The following ARRB1 variants were observed in gnomAD, a reference collection of about 807,000 sequenced individuals.
ARRB1 encodes the protein beta-arrestin-1.
ARRB1 carries 21 observed loss-of-function variants against 56.8 expected under a neutral mutation model. The observed-to-expected ratio is 0.37, with a 90% CI of 0.26 to 0.53. The LOEUF (loss-of-function observed/expected upper bound fraction) is 0.53, where lower values mean the gene tolerates loss of function less well. Ranked by LOEUF, ARRB1 falls within the 20% of genes least tolerant of loss-of-function variation. The pLI is 0.88. For missense variants in ARRB1, 424 were observed against 553.7 expected (o/e 0.77, Z 2.35); for synonymous variants, 210 against 218.6 (o/e 0.96, Z 0.35).
chr11:75,334,605 T>C (rs1459346540), intron 1 of ARRB1, among the ~76,000 whole-genome samples: 4 of 152,222 alleles, frequency 2.6e-5, no homozygotes, highest in Non-Finnish European at 2.9e-5. Context: ...GTTTCACCTA[T>C]GGTTCATTAT....
chr11:75,270,433 G>A (rs1391840175), intron 13 of ARRB1, among the ~76,000 whole-genome samples: 1 of 152,206 alleles, frequency 6.6e-6, no homozygotes, highest in East Asian at 1.9e-4. Flanking sequence ...TTTAAGACCA[G>A]CCTGGCCAAG....
In ARRB1 at chr11:75,265,015, A is replaced by G. The variant is rs1056020333; in HGVS notation, c.*1148T>C. On this transcript the variant is annotated 3_prime_UTR_variant, in exon 16 of 16. Coordinates refer to ENST00000420843, the MANE Select transcript of ARRB1 (RefSeq NM_004041.5). ...CAAGAAAAGAAGGGGCTTATTTGCT[A>G]CCCAGCAGCCTCCTTCCCTTCGGGT... 6.6e-5 allele frequency: 10 copies of G among 152,164 alleles called. No individual in the cohort carries two copies. The highest frequency in any genetic ancestry group is 1.2e-4 in the Non-Finnish European group (8 of 68,042). The allele number at this position is 152,164 out of a possible 1,614,324, so 9.4% of individuals were successfully genotyped here.
intron 1 of ARRB1, among the ~76,000 whole-genome samples, chr11:75,310,919 C>T (rs913023503): frequency 6.6e-6 from 1 of 152,204 alleles, no homozygotes; most frequent in African/African-American, 2.4e-5. Flanking sequence ...TCTGTCCCAC[C>T]ACAACCACAG....
At chr11:75,273,370 G>A (rs957204841) in intron 11 of ARRB1, among the ~76,000 whole-genome samples, 2 of 150,166 alleles carry the variant, frequency 1.3e-5, no homozygotes, top group African/African-American at 2.5e-5. Flanking sequence ...TGGGGTGGGG[G>A]CCATCAGAGA....
At chr11:75,287,613 T>C (rs1347961751) in intron 2 of ARRB1, among the ~76,000 whole-genome samples, 1 of 152,230 alleles carries the variant, frequency 6.6e-6, no homozygotes, top group Non-Finnish European at 1.5e-5. Context: ...TTATTGTTCC[T>C]GTTTTACAGA....
At chr11:75,341,866 C>T (rs970616646) in intron 1 of ARRB1, among the ~76,000 whole-genome samples, 2 of 152,224 alleles carry the variant, frequency 1.3e-5, no homozygotes, top group Non-Finnish European at 2.9e-5. Flanking sequence ...CTTCCCTTCC[C>T]ACCCAGTCTA....
intron 7 of ARRB1, among the ~76,000 whole-genome samples, chr11:75,279,092 C>T (rs1299718315): frequency 1.3e-5 from 2 of 152,192 alleles, no homozygotes; most frequent in East Asian, 3.8e-4. Context: ...AATAGTGTCC[C>T]TCTGTCATCT....
In ARRB1 at chr11:75,278,624, G is replaced by C; in HGVS notation, c.603C>G (p.Ala201=). The C allele has an allele frequency of 1.2e-6, 2 of 1,614,172 alleles. No individual in the cohort carries two copies. Among genetic ancestry groups the C allele is most frequent in the Non-Finnish European group, 1.7e-6 (2 of 1,180,018 alleles). Residue 201 remains alanine (A), a synonymous_variant, in exon 8 of 16, where the codon GCC becomes GCG. Transcript: ENST00000420843. The part of the protein sequence containing the change: ...LMSDKPLHLE[A]SLDKEIYYHG... ...AGCCTCCTACCTCCTTATCCAGAGA[G>C]GCTTCTAGGTGCAAGGGCTTGTCCG...
chr11:75,299,082 G>A (rs1314892899), intron 1 of ARRB1, among the ~76,000 whole-genome samples: 2 of 151,430 alleles, frequency 1.3e-5, no homozygotes, highest in East Asian at 3.9e-4. Flanking sequence ...GTGGGAAATG[G>A]GGAGTGACTG....
chr11:75,315,363 A>G (rs2140488470), intron 1 of ARRB1, among the ~76,000 whole-genome samples: 1 of 152,114 alleles, frequency 6.6e-6, no homozygotes, highest in East Asian at 1.9e-4. Context: ...GATTTGCCGC[A>G]GTGACCCCCC....
chr11:75,351,303 C>T (rs570706901), intron 1 of ARRB1, among the ~76,000 whole-genome samples: 1 of 152,314 alleles, frequency 6.6e-6, no homozygotes, highest in South Asian at 2.1e-4. Context: ...TGTCAACCTG[C>T]CCCCGTGCGT....
chr11:75,311,296 G>T (rs914790944), intron 1 of ARRB1, among the ~76,000 whole-genome samples: 3 of 152,138 alleles, frequency 2.0e-5, no homozygotes, highest in African/African-American at 7.2e-5. Context: ...AGATGGTGCC[G>T]TTGCACTCCA....
At chr11:75,332,719 AC>A (rs1021840909) in intron 1 of ARRB1, among the ~76,000 whole-genome samples, 1 of 152,104 alleles carries the variant, frequency 6.6e-6, no homozygotes, top group Non-Finnish European at 1.5e-5. Flanking sequence ...ATATGGTGAA[AC>A]CCCGTCTCAA....
intron 1 of ARRB1, among the ~76,000 whole-genome samples, chr11:75,343,851 T>C (rs1947727210): frequency 6.6e-6 from 1 of 151,986 alleles, no homozygotes; most frequent in African/African-American, 2.4e-5. Flanking sequence ...TCTGTCCCTC[T>C]GTCGCCCAGG....
chr11:75,317,716 G>T (rs56851527), intron 1 of ARRB1, among the ~76,000 whole-genome samples: 1 of 152,106 alleles, frequency 6.6e-6, no homozygotes, highest in Non-Finnish European at 1.5e-5. Context: ...CTCCACACTC[G>T]CCTGTGCCAG....
At chr11:75,297,797 G>T (rs983942006) in intron 1 of ARRB1, among the ~76,000 whole-genome samples, 6 of 142,802 alleles carry the variant, frequency 4.2e-5, no homozygotes, top group African/African-American at 1.6e-4. Flanking sequence ...CCCAGGAGGC[G>T]GAGGTTGCAG....
chr11:75,279,046 A>T (rs913152906), intron 7 of ARRB1, among the ~76,000 whole-genome samples: 16 of 152,198 alleles, frequency 1.1e-4, no homozygotes, highest in Non-Finnish European at 2.1e-4. Context: ...AATAGGTAAC[A>T]TTGTCACTTC....
rs563693882 is a variant in ARRB1 at position 75,266,040 on chromosome 11, C to A, written c.*123G>T. 3 of 841,394 alleles carry A rather than the reference C, an allele frequency of 3.6e-6. No homozygotes were observed. The African/African-American group carries it at 5.0e-5, about 14-fold the overall frequency. 52.1% of individuals were successfully genotyped at this position (841,394 alleles called of 1,614,324 possible). A position where few individuals can be genotyped will look rare whatever the true frequency, so the allele number is the denominator to read the frequency against. On this transcript the variant is annotated 3_prime_UTR_variant, in exon 16 of 16. Coordinates refer to ENST00000420843, the MANE Select transcript of ARRB1 (RefSeq NM_004041.5). Reference sequence around the variant, plus strand: ...TTCATCACCGTGATCTGGAAGCCCACGGGGCCCCCTGGTAGAAACTGGAAG... The same window carrying A: ...TTCATCACCGTGATCTGGAAGCCCAAGGGGCCCCCTGGTAGAAACTGGAAG...
chr11:75,286,986 A>G (rs1357091230), intron 3 of ARRB1, among the ~76,000 whole-genome samples: 1 of 152,096 alleles, frequency 6.6e-6, no homozygotes, highest in African/African-American at 2.4e-5. Context: ...CTTGTCTGGA[A>G]AGCAGGGATA....
Sources: gnomAD v4.1 joint callset for allele counts (sites outside exome capture counted in the v4.1 genomes callset) on GRCh38, gnomAD v4.1.1 for gene constraint, MANE v1.5 for transcripts, NCBI Gene and HGNC (gene_info 2026-07-23, HGNC 2026-07-21) for gene names.